Variants in EPHA6 observed in about 807,000 individuals in gnomAD.
The protein encoded by EPHA6 is ephrin type-A receptor 6.
EPHA6 carries 50 observed loss-of-function variants against 112.0 expected under a neutral mutation model. The ratio of observed to expected loss-of-function variants is 0.45; its 90% confidence interval spans 0.36 to 0.56. EPHA6 has a LOEUF of 0.56. EPHA6 is among the 20% of genes least tolerant of loss of function. The probability of loss-of-function intolerance (pLI) is 0.00; values close to 1 mark genes in which losing one functional copy is unlikely to be tolerated. For missense variants in EPHA6, 1,280 were observed against 1,417.4 expected (o/e 0.90, Z 1.56); for synonymous variants, 529 against 490.7 (o/e 1.08, Z -1.03).
intron 12 of EPHA6, among the ~76,000 whole-genome samples, chr3:97,595,999 G>A (rs975342470): frequency 2.0e-5 from 3 of 147,102 alleles, no homozygotes; most frequent in African/African-American, 7.5e-5. Context: ...TTCGCCTCCC[G>A]GGTTCACGCC....
chr3:97,621,911 A>G (rs1375446200), intron 13 of EPHA6, among the ~76,000 whole-genome samples: 1 of 151,848 alleles, frequency 6.6e-6, no homozygotes, highest in Admixed American at 6.6e-5. Context: ...AGAATGAACA[A>G]CTAACAGGAA....
Position 97,575,970 on chromosome 3 carries a change from C to T in EPHA6, c.2387-16642C>T, listed in dbSNP as rs554509921. Among the ~76,000 whole-genome samples the T allele has an allele frequency of 3.3e-4, 50 of 152,198 alleles. 1 individual carries two copies. In the South Asian group the frequency reaches 8.9e-3, roughly 27 times the overall value. On this transcript the variant is annotated intron_variant, in intron 11 of 17. Transcript: ENST00000389672. The stretch of plus-strand genomic sequence containing the variant: ...CACCAGTTGAGATTAGAAGACGACT[C>T]TGAGGAAGTGGTCTAAATGAACCTC...
intron 2 of EPHA6, among the ~76,000 whole-genome samples, chr3:96,913,207 CA>C (rs2039314093): frequency 4.2e-5 from 5 of 119,214 alleles, no homozygotes; most frequent in Admixed American, 2.3e-4. Flanking sequence ...CACACACACA[CA>C]CACACCACAC....
In EPHA6 at chr3:97,010,099, T is replaced by A. The variant is rs558870794; in HGVS notation, c.1114+22106T>A. The A allele has an allele frequency of 3.9e-6, 5 of 1,275,222 alleles. No homozygotes were observed. In the East Asian group the frequency reaches 2.1e-4, roughly 53 times the overall value. 79.0% of individuals were successfully genotyped at this position (1,275,222 alleles called of 1,614,324 possible). A position where few individuals can be genotyped will look rare whatever the true frequency, so the allele number is the denominator to read the frequency against. On this transcript the variant is annotated intron_variant, in intron 3 of 17. Coordinates refer to ENST00000389672, the MANE Select transcript of EPHA6 (RefSeq NM_001080448.3). ...AAAAGAAAAAGCAAAAGAGTAGCAT[T>A]ACTAAAATATTAAACGGTTACATTT...
chr3:97,255,397 C>T (rs912157471), intron 5 of EPHA6, among the ~76,000 whole-genome samples: 1 of 152,142 alleles, frequency 6.6e-6, no homozygotes, highest in African/African-American at 2.4e-5. Context: ...GCCACTATCC[C>T]AAATAATGTG....
intron 2 of EPHA6, among the ~76,000 whole-genome samples, chr3:96,986,976 T>A (rs1472885092): frequency 6.6e-6 from 1 of 152,232 alleles, no homozygotes; most frequent in Non-Finnish European, 1.5e-5. Flanking sequence ...GTTCTTATAG[T>A]ATGCCAGGAA....
intron 1 of EPHA6, among the ~76,000 whole-genome samples, chr3:96,833,444 A>C (rs961073852): frequency 2.0e-5 from 3 of 151,768 alleles, no homozygotes; most frequent in Admixed American, 6.6e-5. Context: ...TAAGACAATA[A>C]ATGTCTGTGT....
rs556063481 is a variant in EPHA6 at position 97,748,816 on chromosome 3, T to C, written c.*115T>C. The C allele has an allele frequency of 1.6e-5, 11 of 686,972 alleles. No homozygotes were observed. Among genetic ancestry groups the C allele is most frequent in the Non-Finnish European group, 2.9e-5 (11 of 376,728 alleles). 42.6% of individuals were successfully genotyped at this position (686,972 alleles called of 1,614,324 possible). ...TCACTTCACAAACTGCAGTCTTCTG[T>C]TCAGACTATAGGCACACACCTTATG... On this transcript the variant is annotated 3_prime_UTR_variant, in exon 18 of 18. Coordinates refer to ENST00000389672, the MANE Select transcript of EPHA6 (RefSeq NM_001080448.3).
intron 13 of EPHA6, among the ~76,000 whole-genome samples, chr3:97,634,990 A>G (rs895539115): frequency 3.3e-5 from 5 of 151,738 alleles, no homozygotes; most frequent in African/African-American, 1.2e-4. Context: ...GAAGAATATG[A>G]GAATACTAGT....
At chr3:97,508,355 A>T (rs371702320) in intron 10 of EPHA6, among the ~76,000 whole-genome samples, 1 of 152,142 alleles carries the variant, frequency 6.6e-6, no homozygotes, top group East Asian at 1.9e-4. Flanking sequence ...AGATTCTGGT[A>T]CATTGTGTCT....
chr3:97,760,832 T>A lies in EPHA6; in HGVS notation c.*12131T>A, dbSNP rs2036146186. On this transcript the variant is annotated 3_prime_UTR_variant, in exon 18 of 18. Transcript: ENST00000389672. ...ATTTCCCTCCCTATAAGTACAAATA[T>A]GATTTTTAAAGCATCATTGTAACTT... is the stretch of plus-strand genomic sequence containing the variant. 1 of 187,974 alleles carries A rather than the reference T, an allele frequency of 5.3e-6. No homozygotes were observed. The highest frequency in any genetic ancestry group is 2.3e-5 in the African/African-American group (1 of 42,820). 11.6% of individuals were successfully genotyped at this position (187,974 alleles called of 1,614,324 possible).
At chr3:97,216,132 T>A (rs1043247118) in intron 3 of EPHA6, among the ~76,000 whole-genome samples, 3 of 152,198 alleles carry the variant, frequency 2.0e-5, no homozygotes, top group African/African-American at 7.2e-5. Flanking sequence ...TGGCTCATGA[T>A]TCTTCTGGCA....
At chr3:97,287,231 A>T (rs1028052818) in intron 5 of EPHA6, among the ~76,000 whole-genome samples, 6 of 152,110 alleles carry the variant, frequency 3.9e-5, no homozygotes, top group African/African-American at 1.4e-4. Flanking sequence ...AGATGACTTT[A>T]ATTTTTTTCT....
At chr3:97,333,296 T>G (rs930670335) in intron 5 of EPHA6, among the ~76,000 whole-genome samples, 3 of 152,046 alleles carry the variant, frequency 2.0e-5, no homozygotes, top group Non-Finnish European at 2.9e-5. Flanking sequence ...ATGCAATTGA[T>G]TTTTATGTGT....
intron 1 of EPHA6, among the ~76,000 whole-genome samples, chr3:96,830,702 A>G (rs2034010658): frequency 6.6e-6 from 1 of 152,030 alleles, no homozygotes; most frequent in Non-Finnish European, 1.5e-5. Flanking sequence ...AGCACATTGA[A>G]TCTATATCTT....
In EPHA6 at chr3:97,448,694, T is replaced by C. The variant is rs768010567; in HGVS notation, c.1858T>C (p.Tyr620His). ...GAGAACTGCGACAGGATACAGTGGC[T>C]ACAGTCAGAAATTTGAATTTGAAAC... The part of the protein sequence containing the change: ...RVRTATGYSG[Y>H]SQKFEFETGD... The change falls in exon 7 of 18, where the codon TAC (tyrosine) becomes CAC (histidine). Residue 620 changes from tyrosine (Y) to histidine (H), a missense_variant. This residue lies in a region of EPHA6 where 878 missense variants were observed against 999.7 expected (regional missense o/e 0.88). Transcript: ENST00000389672. 2.2e-5 allele frequency: 35 copies of C among 1,613,380 alleles called. No individual in the cohort carries two copies. Among genetic ancestry groups the C allele is most frequent in the Middle Eastern group, 1.6e-4 (1 of 6,082 alleles).
At chr3:97,241,100 T>C (rs1473030751) in intron 4 of EPHA6, among the ~76,000 whole-genome samples, 1 of 151,592 alleles carries the variant, frequency 6.6e-6, no homozygotes, top group African/African-American at 2.4e-5. Flanking sequence ...TAAGTTTTAC[T>C]GGTAGAGCAC....
At chr3:97,747,324 T>A (rs1042027757) in intron 16 of EPHA6, 99 bp from the exon 17 acceptor site, 4 of 1,034,202 alleles carry the variant, frequency 3.9e-6, no homozygotes, top group Non-Finnish European at 5.3e-6. Context: ...AAACATTAGA[T>A]GTAAGAATAT....
At chr3:97,454,721 A>G (rs963894902) in intron 7 of EPHA6, among the ~76,000 whole-genome samples, 3 of 151,868 alleles carry the variant, frequency 2.0e-5, no homozygotes, top group East Asian at 3.8e-4. Context: ...AAAAACCTCC[A>G]TTATGTTTGA....
Sources: gnomAD v4.1 joint callset for allele counts (sites outside exome capture counted in the v4.1 genomes callset) on GRCh38, gnomAD v4.1.1 for gene constraint, gnomAD v4.1.1 regional missense constraint, MANE v1.5 for transcripts, NCBI Gene and HGNC (gene_info 2026-07-23, HGNC 2026-07-21) for gene names.